The following LTBP2 variants were observed in gnomAD, a reference collection of about 807,000 sequenced individuals.
The protein encoded by LTBP2 is latent transforming growth factor beta binding protein 2, also known as latent-transforming growth factor beta-binding protein 2.
LTBP2 carries 103 observed loss-of-function variants against 210.6 expected under a neutral mutation model. The ratio of observed to expected loss-of-function variants is 0.49; its 90% CI spans 0.42 to 0.58. LTBP2 has a LOEUF of 0.58. Among genes scored for constraint, LTBP2 ranks in the 20% least tolerant of loss-of-function variants. The probability of loss-of-function intolerance (pLI) is 0.00; values close to 1 mark genes in which losing one functional copy is unlikely to be tolerated. For missense variants in LTBP2, 2,313 were observed against 2,494.5 expected (o/e 0.93, Z 1.55); for synonymous variants, 1,007 against 1,015.0 (o/e 0.99, Z 0.15).
chr14:74,602,963 G>A (rs981501146), intron 2 of LTBP2, among the ~76,000 whole-genome samples: 1 of 152,236 alleles, frequency 6.6e-6, no homozygotes, highest in Non-Finnish European at 1.5e-5. Context: ...GTGGGATGCG[G>A]AGGCTCTGGG....
intron 3 of LTBP2, among the ~76,000 whole-genome samples, chr14:74,568,353 G>A (rs2087931171): frequency 6.6e-6 from 1 of 152,134 alleles, no homozygotes; most frequent in Non-Finnish European, 1.5e-5. Flanking sequence ...GGCCAGGTAA[G>A]CTGTCCAGCC....
chr14:74,551,213 G>A lies in LTBP2; in HGVS notation c.1537C>T (p.Pro513Ser). Reference protein sequence around the residue: ...VENSVETRPPPWLPASPGHSL... With the variant: ...VENSVETRPPSWLPASPGHSL... Reference sequence around the variant, plus strand: ...TGGCCAGGGCTGGCAGGCAGCCAGGGCGGGGGTCTGGTCTCCACGCTGTTC... The same window carrying A: ...TGGCCAGGGCTGGCAGGCAGCCAGGACGGGGGTCTGGTCTCCACGCTGTTC... Residue 513 changes from proline (P) to serine (S), a missense_variant, in exon 7 of 36, where the codon CCC (proline) becomes TCC (serine). Pro to Ser is a moderately conservative substitution (Grantham distance 74, BLOSUM62 -1). Transcript: ENST00000261978. The A allele has an allele frequency of 6.2e-7, 1 of 1,613,434 alleles. No individual in the cohort carries two copies.
At chr14:74,538,914 C>T (rs1219159245) in intron 8 of LTBP2, among the ~76,000 whole-genome samples, 1 of 152,196 alleles carries the variant, frequency 6.6e-6, no homozygotes, top group Non-Finnish European at 1.5e-5. Context: ...GAGATGTGCA[C>T]GTCCCTGGCG....
intron 2 of LTBP2, among the ~76,000 whole-genome samples, chr14:74,601,244 T>G (rs975221622): frequency 3.3e-5 from 5 of 152,160 alleles, no homozygotes; most frequent in African/African-American, 4.8e-5. Flanking sequence ...AGGCTCACTT[T>G]CTTCTTTAAA....
intron 15 of LTBP2, among the ~76,000 whole-genome samples, 155 bp downstream of exon 15, chr14:74,524,969 G>C (rs2087252990): frequency 6.6e-6 from 1 of 152,220 alleles, no homozygotes; most frequent in South Asian, 2.1e-4. Context: ...GATGAGGCCA[G>C]GGGTGCACAG....
At chr14:74,568,668 G>A (rs2087934857) in intron 3 of LTBP2, among the ~76,000 whole-genome samples, 1 of 152,062 alleles carries the variant, frequency 6.6e-6, no homozygotes, top group Non-Finnish European at 1.5e-5. Context: ...TAGGAAGTAG[G>A]TATTATTATT....
At chr14:74,551,000 G>T in intron 7 of LTBP2, 64 bp downstream of exon 7, 1 of 1,587,174 alleles carries the variant, frequency 6.3e-7, no homozygotes, top group Non-Finnish European at 8.6e-7. Flanking sequence ...GGAGGAGAAG[G>T]GCAGACTGGG....
intron 5 of LTBP2, 29 bp from the exon 6 acceptor site, chr14:74,552,422 C>T (rs748893025): frequency 3.7e-5 from 59 of 1,593,664 alleles, no homozygotes; most frequent in East Asian, 6.7e-5. Flanking sequence ...AGGTAACCAG[C>T]GGTGGAAGAA....
chr14:74,509,742 G>T lies in LTBP2; in HGVS notation c.3269C>A (p.Ala1090Asp). Residue 1090 changes from alanine to aspartate, a missense_variant, in exon 21 of 36, where the codon GCC (alanine) becomes GAC (aspartate). Around this residue, in one of 3 missense-constraint regions of LTBP2, gnomAD observed 1,867 missense variants for 1,976.9 expected, o/e 0.94. Coordinates refer to ENST00000261978, the MANE Select transcript of LTBP2 (RefSeq NM_000428.3). ...NGYWVNEDGT[A>D]CEDLDECAFP... is the part of the protein sequence containing the mutation. Reference sequence around the variant, plus strand: ...TGCCTCCCCAGGGTTACCTTCACAGGCAGTGCCGTCTTCATTCACCCAGTA... The same window carrying T: ...TGCCTCCCCAGGGTTACCTTCACAGTCAGTGCCGTCTTCATTCACCCAGTA... 1 of 1,614,094 alleles carries T rather than the reference G, an allele frequency of 6.2e-7. No homozygotes were observed. Among genetic ancestry groups the T allele is most frequent in the Non-Finnish European group, 8.5e-7 (1 of 1,180,036 alleles).
At chr14:74,536,588 T>G (rs1422880563) in intron 8 of LTBP2, among the ~76,000 whole-genome samples, 3 of 152,224 alleles carry the variant, frequency 2.0e-5, no homozygotes, top group Admixed American at 6.5e-5. Flanking sequence ...GGCTCATGCC[T>G]TAATCCCAGT....
intron 11 of LTBP2, 102 bp downstream of exon 11, chr14:74,528,856 C>T (rs2087312210): frequency 1.3e-6 from 2 of 1,532,610 alleles, no homozygotes; most frequent in East Asian, 4.7e-5. Context: ...GGGAAGGCTA[C>T]TTCAGTCTTC....
intron 3 of LTBP2, among the ~76,000 whole-genome samples, chr14:74,573,898 A>G (rs1205674735): frequency 6.6e-6 from 1 of 152,084 alleles, no homozygotes; most frequent in Non-Finnish European, 1.5e-5. Flanking sequence ...TCACATTGAG[A>G]CTCGGGGAGG....
Position 74,503,521 on chromosome 14 carries a change from C to T in LTBP2, c.4668G>A (p.Pro1556=), listed in dbSNP as rs137854866. 15 of 1,613,126 alleles carry T rather than the reference C, an allele frequency of 9.3e-6. No homozygotes were observed. In the South Asian group the frequency reaches 9.9e-5, roughly 11 times the overall value. Residue 1556 remains proline (P), a synonymous_variant, in exon 32 of 36, where the codon CCG becomes CCA. Coordinates refer to ENST00000261978, the MANE Select transcript of LTBP2 (RefSeq NM_000428.3). The part of the protein sequence containing the change: ...EGSFHCFCSP[P]LTLDLSQQRC... ...GCTGCTGGCTGAGGTCCAGGGTGAGCGGGGGGCTGCAGAAGCAGTGGAAGG... is the reference window on the plus strand; with the variant it reads ...GCTGCTGGCTGAGGTCCAGGGTGAGTGGGGGGCTGCAGAAGCAGTGGAAGG...
At chr14:74,547,090 T>C (rs2087586824) in intron 8 of LTBP2, among the ~76,000 whole-genome samples, 1 of 152,240 alleles carries the variant, frequency 6.6e-6, no homozygotes, top group Non-Finnish European at 1.5e-5. Flanking sequence ...CTCCAGAGCT[T>C]GGGACAGGCA....
In LTBP2 at chr14:74,516,816, C is replaced by A; in HGVS notation, c.2908+6G>T. On this transcript the variant is annotated splice_donor_region_variant and intron_variant, in intron 18 of 35. Coordinates refer to ENST00000261978, the MANE Select transcript of LTBP2 (RefSeq NM_000428.3). Reference sequence around the variant, plus strand: ...GCAGGGCGCTTCCCTCCTTCCCGTTCCTTACCTTGGCAGTGTCCTTTCCTG... The same window carrying A: ...GCAGGGCGCTTCCCTCCTTCCCGTTACTTACCTTGGCAGTGTCCTTTCCTG... 1 of 1,551,718 alleles carries A rather than the reference C, an allele frequency of 6.4e-7. No individual in the cohort carries two copies. The highest frequency in any genetic ancestry group is 1.2e-5 in the South Asian group (1 of 84,056).
At chr14:74,580,722 G>A (rs1306185136) in intron 3 of LTBP2, among the ~76,000 whole-genome samples, 1 of 152,222 alleles carries the variant, frequency 6.6e-6, no homozygotes, top group Admixed American at 6.5e-5. Context: ...CCAGCACTTA[G>A]GCCAAGGCAG....
At position 74,543,336 on chromosome 14, in the gene LTBP2, C is replaced by T. The variant is rs531425749; in HGVS notation, c.1789+6527G>A. 3.5e-4 allele frequency among the ~76,000 whole-genome samples: 52 copies of T among 147,906 alleles called. 2 individuals carry two copies. In the South Asian group the frequency reaches 0.011, roughly 30 times the overall value. On this transcript the variant is annotated intron_variant, in intron 8 of 35. Transcript: ENST00000261978. ...GAGCTTGCAGTGAGCCGAGATTGCG[C>T]CACTGCACTCCAGCCTGGGTGACAG...
In LTBP2 at chr14:74,610,077, C is replaced by G. The variant is rs545407884; in HGVS notation, c.494+1374G>C. Among the ~76,000 whole-genome samples, 51 of 152,306 alleles carry G rather than the reference C, an allele frequency of 3.3e-4. 1 individual carries two copies. The highest frequency in any genetic ancestry group is 5.8e-4 in the East Asian group (3 of 5,178). ...GTTCATCCACTCATTCAACAGATAC[C>G]TAGAGAATACCAACCAGTGCAGGCA... is the stretch of plus-strand genomic sequence containing the variant. On this transcript the variant is annotated intron_variant, in intron 1 of 35. Coordinates refer to ENST00000261978, the MANE Select transcript of LTBP2 (RefSeq NM_000428.3).
chr14:74,562,901 T>G (rs1457232296), intron 3 of LTBP2, among the ~76,000 whole-genome samples: 1 of 152,194 alleles, frequency 6.6e-6, no homozygotes, highest in Non-Finnish European at 1.5e-5. Context: ...ACCCTGCTGC[T>G]CCACCTCCAA....
Sources: gnomAD v4.1 joint callset for allele counts (sites outside exome capture counted in the v4.1 genomes callset) on GRCh38, gnomAD v4.1.1 for gene constraint, gnomAD v4.1.1 regional missense constraint, MANE v1.5 for transcripts, NCBI Gene and HGNC (gene_info 2026-07-23, HGNC 2026-07-21) for gene names.